Variants in CNBD1 observed in about 807,000 individuals in gnomAD.
CNBD1 encodes the protein cyclic nucleotide-binding domain-containing protein 1.
A neutral mutation model predicts 54.4 loss-of-function variants in CNBD1; 71 were observed. The observed-to-expected ratio is 1.30, with a 90% CI of 1.08 to 1.59. The LOEUF is 1.59. CNBD1 is among the 40% of genes most tolerant of loss of function. The probability of loss-of-function intolerance (pLI) is 0.00; values close to 1 mark genes in which losing one functional copy is unlikely to be tolerated. For missense variants in CNBD1, 659 were observed against 518.0 expected (o/e 1.27, Z -2.64); for synonymous variants, 182 against 170.7 (o/e 1.07, Z -0.51).
At chr8:87,361,708 A>G (rs1004324750) in intron 10 of CNBD1, among the ~76,000 whole-genome samples, 1 of 150,452 alleles carries the variant, frequency 6.6e-6, no homozygotes, top group African/African-American at 2.4e-5. Context: ...ATATATATAT[A>G]TTCTTGTTCA....
At chr8:87,003,419 G>A (rs187107920) in intron 4 of CNBD1, among the ~76,000 whole-genome samples, 19 of 152,260 alleles carry the variant, frequency 1.2e-4, no homozygotes, top group Admixed American at 6.5e-4. Context: ...AGCATGGAAG[G>A]AACAGTTTAA....
intron 3 of CNBD1, among the ~76,000 whole-genome samples, chr8:86,939,236 T>C (rs1209378846): frequency 6.6e-6 from 1 of 152,052 alleles, no homozygotes; most frequent in African/African-American, 2.4e-5. Context: ...AAAAAAACAC[T>C]GAAAAACAAA....
chr8:86,906,272 A>C (rs1045693681), intron 3 of CNBD1, among the ~76,000 whole-genome samples: 2 of 152,200 alleles, frequency 1.3e-5, no homozygotes, highest in Non-Finnish European at 2.9e-5. Context: ...GATCTATTTC[A>C]TTATCCTATA....
At chr8:87,202,041 A>C (rs984493580) in intron 4 of CNBD1, among the ~76,000 whole-genome samples, 54 of 152,350 alleles carry the variant, frequency 3.5e-4, no homozygotes, top group African/African-American at 1.3e-3. Context: ...TGAAAATGTA[A>C]TAACAAATAT....
At chr8:87,172,252 T>C (rs1345338880) in intron 4 of CNBD1, among the ~76,000 whole-genome samples, 1 of 152,112 alleles carries the variant, frequency 6.6e-6, no homozygotes, top group Admixed American at 6.6e-5. Flanking sequence ...ATTATTTCAG[T>C]TTTTCTGAAT....
chr8:87,212,005 T>C (rs1004567502), intron 5 of CNBD1, among the ~76,000 whole-genome samples: 2 of 152,136 alleles, frequency 1.3e-5, no homozygotes, highest in African/African-American at 4.8e-5. Context: ...CTGACCCACA[T>C]GGATTAATAA....
At chr8:86,898,628 T>C (rs758077797) in intron 2 of CNBD1, among the ~76,000 whole-genome samples, 3 of 152,134 alleles carry the variant, frequency 2.0e-5, no homozygotes, top group Non-Finnish European at 4.4e-5. Context: ...CCAATAAATA[T>C]ATGTGTCTAG....
chr8:87,308,911 T>G (rs1292687289), intron 8 of CNBD1, among the ~76,000 whole-genome samples: 1 of 152,196 alleles, frequency 6.6e-6, no homozygotes, highest in East Asian at 1.9e-4. Flanking sequence ...TTGCTGCATA[T>G]GACAGCATTT....
At chr8:87,161,220 G>A (rs1812850752) in intron 4 of CNBD1, among the ~76,000 whole-genome samples, 1 of 151,930 alleles carries the variant, frequency 6.6e-6, no homozygotes, top group Non-Finnish European at 1.5e-5. Context: ...TTTCTAGCCT[G>A]CAAGCAAAAA....
chr8:87,108,489 A>G (rs894076247), intron 4 of CNBD1, among the ~76,000 whole-genome samples: 8 of 152,202 alleles, frequency 5.3e-5, no homozygotes, highest in African/African-American at 1.9e-4. Context: ...GTGAATCTGC[A>G]TTGTGACATG....
chr8:87,401,432 C>T (rs1807561979), intron 2 of CNBD1, among the ~76,000 whole-genome samples: 1 of 152,076 alleles, frequency 6.6e-6, no homozygotes, highest in Non-Finnish European at 1.5e-5. Context: ...TTGGGCTGCT[C>T]TATTGGGTGA....
chr8:87,092,503 A>ATACACATATGTGTGTGTGTGTATATATG (rs1323667321), intron 4 of CNBD1, among the ~76,000 whole-genome samples: 1 of 142,650 alleles, frequency 7.0e-6, no homozygotes, highest in African/African-American at 2.7e-5. Flanking sequence ...GTGTATATAT[A>ATACACATATGTGTGTGTGTGTATATATG]TGTGTGTGTG....
chr8:87,180,073 G>A (rs749239688), intron 4 of CNBD1, among the ~76,000 whole-genome samples: 5 of 152,050 alleles, frequency 3.3e-5, no homozygotes, highest in Admixed American at 6.6e-5. Flanking sequence ...AAGGAAGCAC[G>A]AAGTGAAAAC....
chr8:86,982,676 G>C (rs1489264678), intron 4 of CNBD1, among the ~76,000 whole-genome samples: 1 of 152,130 alleles, frequency 6.6e-6, no homozygotes, highest in Non-Finnish European at 1.5e-5. Flanking sequence ...ATAACATTTT[G>C]TCATGATTAC....
chr8:86,957,266 C>G (rs1042029540), intron 4 of CNBD1, among the ~76,000 whole-genome samples: 17 of 152,138 alleles, frequency 1.1e-4, no homozygotes, highest in African/African-American at 4.1e-4. Flanking sequence ...CGATGTTCAT[C>G]AGGGATATTG....
At chr8:87,308,323 A>T (rs747644291) in intron 8 of CNBD1, among the ~76,000 whole-genome samples, 33 of 152,176 alleles carry the variant, frequency 2.2e-4, no homozygotes, top group Middle Eastern at 3.2e-3. Context: ...TACCAAAAAA[A>T]TCATGTTTCA....
At chr8:87,421,460 G>A (rs1428832222) in intron 2 of CNBD1, among the ~76,000 whole-genome samples, 2 of 124,998 alleles carry the variant, frequency 1.6e-5, no homozygotes, top group South Asian at 5.0e-4. Flanking sequence ...AGAGTGTGAT[G>A]TTCCCCTTCC....
At chr8:87,087,463 C>CT (rs758497467) in intron 4 of CNBD1, among the ~76,000 whole-genome samples, 3,154 of 127,866 alleles carry the variant, frequency 0.025, 121 homozygotes, top group African/African-American at 0.066. Flanking sequence ...GAAGTACATT[C>CT]TTTTTTTTTT....
intron 8 of CNBD1, among the ~76,000 whole-genome samples, chr8:87,334,070 G>C (rs376804838): frequency 3.6e-4 from 55 of 152,210 alleles, no homozygotes; most frequent in African/African-American, 9.9e-4. Flanking sequence ...CTTGTTATTG[G>C]TGTATTCAGG....
Sources: allele counts gnomAD v4.1 joint callset (sites outside exome capture counted in the v4.1 genomes callset), GRCh38; gene constraint gnomAD v4.1.1; transcripts MANE v1.5; gene names NCBI Gene and HGNC (gene_info 2026-07-23, HGNC 2026-07-21).